ERCC6L2: variants seen among roughly 807,000 people sequenced by gnomAD.
The protein encoded by ERCC6L2 is DNA excision repair protein ERCC-6-like 2.
In ERCC6L2, 77 loss-of-function variants were observed where a neutral mutation model predicts 132.0. The ratio of observed to expected loss-of-function variants is 0.58; its 90% CI spans 0.49 to 0.71. The LOEUF is 0.71. Ranked by LOEUF, ERCC6L2 falls within the 30% of genes least tolerant of loss-of-function variation. The pLI, the probability that ERCC6L2 is intolerant of heterozygous loss-of-function variation, is 0.00. For missense variants in ERCC6L2, 1,542 were observed against 1,837.6 expected, an observed-to-expected ratio of 0.84 and a Z score of 2.94; for synonymous variants, 583 against 632.4, an observed-to-expected ratio of 0.92 and a Z score of 1.17.
chr9:96,007,473 G>A lies in ERCC6L2; in HGVS notation c.3674+2772G>A, dbSNP rs569876384. Among the ~76,000 whole-genome samples the A allele has an allele frequency of 5.9e-5, 9 of 152,284 alleles. No individual in the cohort carries two copies. In the East Asian group the frequency reaches 1.7e-3, roughly 29 times the overall value. ...AGCTGCTAGCAGGAAGCAATGAAGGGGTCACTGAAGATTGAGGAGAGAACA... is the reference window on the plus strand; with the variant it reads ...AGCTGCTAGCAGGAAGCAATGAAGGAGTCACTGAAGATTGAGGAGAGAACA... On this transcript the variant is annotated intron_variant, in intron 18 of 18. Transcript: ENST00000653738.
In ERCC6L2 at chr9:95,880,975, T is replaced by C; in HGVS notation, c.153T>C (p.Phe51=). The C allele has an allele frequency of 6.2e-7, 1 of 1,614,082 alleles. No homozygotes were observed. Among genetic ancestry groups the C allele is most frequent in the Non-Finnish European group, 8.5e-7 (1 of 1,179,952 alleles). ...CAGTGGATGAAAATGGCAAGTCATT[T>C]GCAGTCGTCTTATATGCAGATTTTC... The part of the protein sequence containing the change: ...SITVDENGKS[F]AVVLYADFQE... The change falls in exon 2 of 19, where the codon TTT becomes TTC. Residue 51 remains phenylalanine, a synonymous_variant. Transcript: ENST00000653738.
chr9:95,876,289 A>G (rs1318251755), intron 1 of ERCC6L2: 9 of 513,934 alleles, frequency 1.8e-5, no homozygotes, highest in Non-Finnish European at 3.1e-5. Context: ...CCTGGGATCT[A>G]GTGCTGCCTC....
At chr9:95,883,432 T>G (rs1004442205) in intron 2 of ERCC6L2, among the ~76,000 whole-genome samples, 9 of 152,220 alleles carry the variant, frequency 5.9e-5, no homozygotes, top group Admixed American at 1.3e-4. Flanking sequence ...AGATTACAGA[T>G]GAGTACTAGA....
At chr9:95,924,669 ATTTTATATT>A (rs1443006962) in intron 9 of ERCC6L2, among the ~76,000 whole-genome samples, 1 of 152,066 alleles carries the variant, frequency 6.6e-6, no homozygotes, top group Non-Finnish European at 1.5e-5. Context: ...ATAACTCTGC[ATTTTATATT>A]TTTTATATAT....
chr9:95,912,533 A>G (rs1409832886), intron 4 of ERCC6L2, among the ~76,000 whole-genome samples: 2 of 152,200 alleles, frequency 1.3e-5, no homozygotes, highest in Non-Finnish European at 2.9e-5. Context: ...CTTATCCCTA[A>G]GTATTTTAGC....
At chr9:95,887,668 A>G (rs1446825571) in intron 2 of ERCC6L2, among the ~76,000 whole-genome samples, 1 of 152,192 alleles carries the variant, frequency 6.6e-6, no homozygotes, top group Non-Finnish European at 1.5e-5. Flanking sequence ...AAAAAGATGT[A>G]TAGTAAACCT....
rs1283641019 is a variant in ERCC6L2, at chr9:95,922,404, A to G, written c.1399A>G (p.Thr467Ala). The G allele has an allele frequency of 1.9e-6, 3 of 1,604,414 alleles. No homozygotes were observed. Among genetic ancestry groups the G allele is most frequent in the Non-Finnish European group, 2.6e-6 (3 of 1,171,666 alleles). Residue 467 changes from threonine to alanine, a missense_variant, in exon 8 of 19, where the codon ACT becomes GCT. By Grantham distance (58) the Thr-to-Ala change is moderately conservative. Transcript: ENST00000653738. Reference protein sequence around the residue: ...NHVALLQAASTSKQQETLIKR... With the variant: ...NHVALLQAASASKQQETLIKR... ...TGTCGCGCTACTGCAAGCTGCTAGT[A>G]CTTCCAAACAACAGGTTTGGTTAGC... is the stretch of plus-strand genomic sequence containing the variant.
downstream of ERCC6L2, chr9:96,020,945 G>A (rs770052035): frequency 4.4e-6 from 2 of 456,702 alleles, no homozygotes; most frequent in South Asian, 3.1e-5. Flanking sequence ...CGCGCGGGCC[G>A]GGGAGCGGGG....
At chr9:95,899,045 G>T (rs1057495701) in intron 3 of ERCC6L2, among the ~76,000 whole-genome samples, 4 of 152,076 alleles carry the variant, frequency 2.6e-5, no homozygotes, top group Non-Finnish European at 5.9e-5. Context: ...TCACCACAGA[G>T]CCTATATATA....
intron 12 of ERCC6L2, among the ~76,000 whole-genome samples, chr9:95,945,889 CT>C (rs138370393): frequency 0.02 from 2,968 of 151,988 alleles, 105 homozygotes; most frequent in African/African-American, 0.069. Context: ...TATGTTGAAA[CT>C]TTTTTTAGAA....
chr9:96,040,697 A>C (rs974220198), intron 20 of ERCC6L2, among the ~76,000 whole-genome samples: 1 of 152,180 alleles, frequency 6.6e-6, no homozygotes, highest in African/African-American at 2.4e-5. Flanking sequence ...GCCACACCTC[A>C]TGGGGAGATG....
intron 17 of ERCC6L2, among the ~76,000 whole-genome samples, chr9:95,984,771 T>A (rs1336571510): frequency 6.6e-6 from 1 of 152,228 alleles, no homozygotes; most frequent in African/African-American, 2.4e-5. Flanking sequence ...AGTCAGGTTT[T>A]CAGTTTTTGT....
At chr9:96,008,496 A>C (rs1833931536) in intron 18 of ERCC6L2, among the ~76,000 whole-genome samples, 1 of 152,152 alleles carries the variant, frequency 6.6e-6, no homozygotes, top group South Asian at 2.1e-4. Context: ...GTGCCCTCTG[A>C]GTCAGAAGAC....
chr9:95,876,083 A>T lies in ERCC6L2; in HGVS notation c.45A>T (p.Lys15Asn). 6.3e-7 allele frequency: 1 copy of T among 1,576,414 alleles called. No homozygotes were observed. Among genetic ancestry groups the T allele is most frequent in the Non-Finnish European group, 8.6e-7 (1 of 1,161,608 alleles). Residue 15 changes from lysine to asparagine, a missense_variant and splice_region_variant, in exon 1 of 19, where the codon AAA becomes AAT. Physicochemically the swap from Lys to Asn is moderately conservative, Grantham distance 94. Around this residue, in one of 4 missense-constraint regions of ERCC6L2, gnomAD observed 153 missense variants for 132.3 expected, o/e 1.16. Transcript: ENST00000653738. ...APQPRAETSGKDIWHPGERCL... is the reference protein window; with the variant it reads ...APQPRAETSGNDIWHPGERCL... ...AGCCCCGCGCGGAAACCTCAGGCAA[A>T]GGTACCAGCTCCGCGCTCGCCCCTT...
rs764618459 is a variant in ERCC6L2, at chr9:96,013,658, A to C, written c.*455A>C. 1 of 152,826 alleles carries C rather than the reference A, an allele frequency of 6.5e-6. No individual in the cohort carries two copies. Among genetic ancestry groups the C allele is most frequent in the Non-Finnish European group, 1.5e-5 (1 of 68,402 alleles). The allele number at this position is 152,826 out of a possible 1,614,324, so 9.5% of individuals were successfully genotyped here. On this transcript the variant is annotated 3_prime_UTR_variant, in exon 19 of 19. Coordinates refer to ENST00000653738, the MANE Select transcript of ERCC6L2 (RefSeq NM_020207.7). ...TGCCCCTCAAATCAGGTGTATACCAATGTGTTTTTTACTAGCACTTGGGAA... is the reference window on the plus strand; with the variant it reads ...TGCCCCTCAAATCAGGTGTATACCACTGTGTTTTTTACTAGCACTTGGGAA...
chr9:96,015,018 T>TTTTTG lies in ERCC6L2; in HGVS notation c.*1819_*1820insGTTTT, dbSNP rs1554763591. On this transcript the variant is annotated 3_prime_UTR_variant, in exon 19 of 19. Coordinates refer to ENST00000653738, the MANE Select transcript of ERCC6L2 (RefSeq NM_020207.7). ...CTATAGTCTTCATATATGTACAGTT[T>TTTTTG]TTTTTTTTTTTTTTTTTTTTTTGAG... Among the ~76,000 whole-genome samples, 9 of 116,856 alleles carry TTTTTG rather than the reference T, an allele frequency of 7.7e-5. No individual in the cohort carries two copies. The Middle Eastern group carries it at 0.012, about 153-fold the overall frequency. 76.7% of individuals were successfully genotyped at this position (116,856 alleles called of 152,430 possible). A position where few individuals can be genotyped will look rare whatever the true frequency, so the allele number is the denominator to read the frequency against.
At chr9:95,997,094 G>T (rs1833496427) in intron 17 of ERCC6L2, among the ~76,000 whole-genome samples, 1 of 152,200 alleles carries the variant, frequency 6.6e-6, no homozygotes, top group African/African-American at 2.4e-5. Context: ...AAGAAAATAA[G>T]TTTCATAAGA....
chr9:95,940,674 C>T (rs1159160171), intron 11 of ERCC6L2, among the ~76,000 whole-genome samples: 1 of 151,300 alleles, frequency 6.6e-6, no homozygotes, highest in East Asian at 2.0e-4. Flanking sequence ...TGTTTTATGG[C>T]CCATGATTTG....
intron 3 of ERCC6L2, chr9:95,906,807 G>T (rs776774484): frequency 1.2e-5 from 6 of 508,760 alleles, no homozygotes; most frequent in Non-Finnish European, 2.2e-5. Context: ...TCATTTCTCA[G>T]TGCCTTTTTG....
Sources: gnomAD v4.1 joint callset for allele counts (sites outside exome capture counted in the v4.1 genomes callset) on GRCh38, gnomAD v4.1.1 for gene constraint, gnomAD v4.1.1 regional missense constraint, MANE v1.5 for transcripts, NCBI Gene and HGNC (gene_info 2026-07-23, HGNC 2026-07-21) for gene names.